LRMDA: variants seen among roughly 807,000 people sequenced by gnomAD.
LRMDA encodes the protein leucine rich melanocyte differentiation associated.
A neutral mutation model predicts 29.8 loss-of-function variants in LRMDA; 18 were observed. The ratio of observed to expected loss-of-function variants is 0.60; its 90% CI spans 0.42 to 0.90. LRMDA has a LOEUF of 0.90. Ranked by LOEUF, LRMDA falls within the 40% of genes least tolerant of loss-of-function variation. LRMDA has a pLI of 0.00. For missense variants in LRMDA, 273 were observed against 273.9 expected (o/e 1.00, Z 0.02); for synonymous variants, 125 against 109.4 (o/e 1.14, Z -0.89).
intron 5 of LRMDA, among the ~76,000 whole-genome samples, chr10:76,081,989 T>A (rs1849057227): frequency 6.6e-6 from 1 of 152,192 alleles, no homozygotes; most frequent in Non-Finnish European, 1.5e-5. Flanking sequence ...AGGAGGTAGT[T>A]CTTTGCAATT....
At chr10:75,718,514 C>T (rs1228782040) in intron 2 of LRMDA, among the ~76,000 whole-genome samples, 2 of 152,194 alleles carry the variant, frequency 1.3e-5, no homozygotes, top group East Asian at 3.9e-4. Flanking sequence ...GAAGTACAAA[C>T]TCACAAGGCA....
chr10:75,584,704 A>G (rs1054691404), intron 2 of LRMDA, among the ~76,000 whole-genome samples: 3 of 152,122 alleles, frequency 2.0e-5, no homozygotes, highest in African/African-American at 7.2e-5. Context: ...ACTGTGGGTA[A>G]TTTTTTGTCT....
intron 2 of LRMDA, among the ~76,000 whole-genome samples, chr10:75,526,690 A>G (rs1282559535): frequency 2.0e-5 from 3 of 151,060 alleles, no homozygotes; most frequent in African/African-American, 7.3e-5. Context: ...CCATTTCTCT[A>G]AAAAAAAATT....
At chr10:76,299,036 A>G (rs1408440239) in intron 5 of LRMDA, among the ~76,000 whole-genome samples, 1 of 152,198 alleles carries the variant, frequency 6.6e-6, no homozygotes, top group Non-Finnish European at 1.5e-5. Flanking sequence ...CTTAGAAAAT[A>G]AGAAATTATT....
chr10:76,350,833 G>T (rs1841167350), intron 6 of LRMDA, among the ~76,000 whole-genome samples: 2 of 152,162 alleles, frequency 1.3e-5, no homozygotes, highest in South Asian at 4.1e-4. Context: ...TGATTACAAG[G>T]CTTGGAAGAA....
At chr10:75,875,991 T>A (rs1845191437) in intron 2 of LRMDA, among the ~76,000 whole-genome samples, 1 of 152,058 alleles carries the variant, frequency 6.6e-6, no homozygotes, top group Non-Finnish European at 1.5e-5. Context: ...GCGGACTGAT[T>A]GGAGAGCAGT....
Position 76,363,208 on chromosome 10 carries a change from G to GGGAGGGAA in LRMDA, c.601+38726_601+38727insGGGAAGGA, listed in dbSNP as rs1424739644. 3.4e-4 allele frequency among the ~76,000 whole-genome samples: 4 copies of GGGAGGGAA among 11,692 alleles called. 1 individual carries two copies. Among genetic ancestry groups the GGGAGGGAA allele is most frequent in the African/African-American group, 1.1e-3 (3 of 2,646 alleles). The allele number at this position is 11,692 out of a possible 152,430, so 7.7% of individuals were successfully genotyped here. A position where few individuals can be genotyped will look rare whatever the true frequency, so the allele number is the denominator to read the frequency against. On this transcript the variant is annotated intron_variant, in intron 6 of 6. Transcript: ENST00000611255. ...AGGGAGGGAGGGAGGGAGGGAGGGA[G>GGGAGGGAA]GGAAGGAAGAGAAAGAAAGAAAGAA...
At chr10:75,554,160 G>A (rs1471621799) in intron 2 of LRMDA, among the ~76,000 whole-genome samples, 1 of 152,086 alleles carries the variant, frequency 6.6e-6, no homozygotes, top group Non-Finnish European at 1.5e-5. Flanking sequence ...TTATGATTTT[G>A]TAGATTATCT....
chr10:76,319,541 C>G (rs956589951), intron 5 of LRMDA, among the ~76,000 whole-genome samples: 5 of 151,904 alleles, frequency 3.3e-5, no homozygotes, highest in Non-Finnish European at 5.9e-5. Flanking sequence ...TTTTTTATGA[C>G]CCAGCAATGC....
At chr10:75,470,946 C>T (rs144528790) in intron 2 of LRMDA, among the ~76,000 whole-genome samples, 2 of 152,158 alleles carry the variant, frequency 1.3e-5, no homozygotes, top group East Asian at 1.9e-4. Context: ...CTGTTGAATC[C>T]GCAGCCCTGG....
intron 5 of LRMDA, among the ~76,000 whole-genome samples, chr10:76,263,024 A>G (rs1267333385): frequency 6.6e-6 from 1 of 152,218 alleles, no homozygotes; most frequent in Non-Finnish European, 1.5e-5. Context: ...TGTTGTTAAC[A>G]TTAGCATTTT....
intron 5 of LRMDA, among the ~76,000 whole-genome samples, chr10:76,090,159 G>A (rs1228511440): frequency 6.6e-6 from 1 of 152,152 alleles, no homozygotes; most frequent in Non-Finnish European, 1.5e-5. Flanking sequence ...ATGTCTCAGG[G>A]GTCGGTGCAG....
chr10:75,543,444 A>G (rs1249162567), intron 2 of LRMDA, among the ~76,000 whole-genome samples: 1 of 152,072 alleles, frequency 6.6e-6, no homozygotes, highest in Admixed American at 6.5e-5. Flanking sequence ...AAAATAATGG[A>G]TTTTACTTCA....
intron 5 of LRMDA, among the ~76,000 whole-genome samples, chr10:76,200,696 T>TTTTTTC (rs543220654): frequency 1.3e-5 from 2 of 151,966 alleles, no homozygotes; most frequent in African/African-American, 2.4e-5. Context: ...CACGTGTATA[T>TTTTTTC]TTTTTCTTTT....
At chr10:76,442,682 C>G (rs1410563691) in intron 6 of LRMDA, among the ~76,000 whole-genome samples, 1 of 151,970 alleles carries the variant, frequency 6.6e-6, no homozygotes, top group Admixed American at 6.6e-5. Context: ...AGAGTGAGAC[C>G]CTATCTCAAA....
At chr10:76,547,779 C>G (rs578168483) in intron 6 of LRMDA, among the ~76,000 whole-genome samples, 1 of 152,230 alleles carries the variant, frequency 6.6e-6, no homozygotes, top group Admixed American at 6.5e-5. Flanking sequence ...GATGTGACAT[C>G]CATCACGGAC....
intron 2 of LRMDA, among the ~76,000 whole-genome samples, chr10:75,704,899 G>T (rs1842349014): frequency 1.3e-5 from 2 of 152,130 alleles, no homozygotes; most frequent in Non-Finnish European, 2.9e-5. Flanking sequence ...AGAGGGAAAG[G>T]GTAATACACA....
rs78447590 is a variant in LRMDA, at chr10:75,720,924, T to G, written c.131+282430T>G. On this transcript the variant is annotated intron_variant, in intron 2 of 6. Coordinates refer to ENST00000611255, the MANE Select transcript of LRMDA (RefSeq NM_001305581.2). ...CATGAGAACCCATGATGGGAAGTCA[T>G]TCCTGGGTAGGGGTTAGTTTGGGTT... Among the ~76,000 whole-genome samples the G allele has an allele frequency of 5.9e-3, 902 of 152,312 alleles. 11 individuals are homozygous for G. Among genetic ancestry groups the G allele is most frequent in the African/African-American group, 0.021 (867 of 41,564 alleles).
chr10:75,627,635 A>G (rs1007213274), intron 2 of LRMDA, among the ~76,000 whole-genome samples: 1 of 152,206 alleles, frequency 6.6e-6, no homozygotes, highest in Non-Finnish European at 1.5e-5. Flanking sequence ...AATCAAAAGC[A>G]AGAGTGGAGA....
Sources: gnomAD v4.1 joint callset for allele counts (sites outside exome capture counted in the v4.1 genomes callset) on GRCh38, gnomAD v4.1.1 for gene constraint, MANE v1.5 for transcripts, NCBI Gene and HGNC (gene_info 2026-07-23, HGNC 2026-07-21) for gene names.